Variants in CLVS2 observed in about 807,000 individuals in gnomAD.
The protein encoded by CLVS2 is clavesin 2, also known as clavesin-2.
Under a neutral mutation model 29.0 loss-of-function variants are expected in CLVS2, and 19 were observed. The ratio of observed to expected loss-of-function variants is 0.66; its 90% CI spans 0.46 to 0.96. CLVS2 has a LOEUF of 0.96. CLVS2 is among the 40% of genes least tolerant of loss of function. CLVS2 has a pLI of 0.00. For synonymous variants in CLVS2, 161 were observed against 151.3 expected (o/e 1.06, Z -0.47); for missense variants, 294 against 404.1 (o/e 0.73, Z 2.34).
chr6:122,997,480 C>G lies in CLVS2; in HGVS notation c.-298C>G. ...AAGAGAAAGGACAAGAAGAGGAGTG[C>G]GGAGCCCTTCAGGGGTTCACATCTC... On this transcript the variant is annotated 5_prime_UTR_variant, in exon 2 of 6. Transcript: ENST00000275162. The G allele has an allele frequency of 4.9e-6, 2 of 410,106 alleles. No homozygotes were observed. The highest frequency in any genetic ancestry group is 4.7e-5 in the East Asian group (1 of 21,398). The allele number at this position is 410,106 out of a possible 1,614,324, so 25.4% of individuals were successfully genotyped here.
chr6:123,023,547 A>G (rs1027269889), intron 3 of CLVS2, among the ~76,000 whole-genome samples: 2 of 152,138 alleles, frequency 1.3e-5, no homozygotes. Context: ...ATATACAATA[A>G]TAGAGAATTG....
chr6:123,013,868 C>G (rs954657102), intron 3 of CLVS2, among the ~76,000 whole-genome samples: 1 of 151,298 alleles, frequency 6.6e-6, no homozygotes, highest in African/African-American at 2.4e-5. Context: ...TGTCCATGTG[C>G]TCTCATTGTT....
At chr6:123,028,444 G>A (rs1485018209) in intron 3 of CLVS2, among the ~76,000 whole-genome samples, 3 of 152,138 alleles carry the variant, frequency 2.0e-5, no homozygotes, top group African/African-American at 4.8e-5. Context: ...CGGATTGCTT[G>A]AGCCCAAAAG....
chr6:123,009,293 A>T (rs1049444024), intron 2 of CLVS2, among the ~76,000 whole-genome samples: 1 of 152,066 alleles, frequency 6.6e-6, no homozygotes, highest in African/African-American at 2.4e-5. Flanking sequence ...CATATGGCTA[A>T]TGAGGTGCTG....
chr6:123,003,580 G>GA (rs961462777), intron 2 of CLVS2, among the ~76,000 whole-genome samples: 2 of 81,156 alleles, frequency 2.5e-5, no homozygotes, highest in African/African-American at 5.8e-5. Flanking sequence ...CAAATTAATT[G>GA]AAAAAAATAC....
intron 4 of CLVS2, among the ~76,000 whole-genome samples, chr6:123,049,809 G>GGT (rs1554203177): frequency 6.1e-5 from 9 of 146,592 alleles, no homozygotes; most frequent in Non-Finnish European, 1.1e-4. Flanking sequence ...TGGGATGGGG[G>GGT]GCGGGGAGGA....
Position 123,055,833 on chromosome 6 carries a change from A to G in CLVS2, c.703A>G (p.Ser235Gly), listed in dbSNP as rs769013044. 8.7e-6 allele frequency: 14 copies of G among 1,613,958 alleles called. No individual in the cohort carries two copies. Among genetic ancestry groups the G allele is most frequent in the South Asian group, 6.6e-5 (6 of 91,088 alleles). The change falls in exon 5 of 6, where the codon AGT becomes GGT. Residue 235 changes from serine (S) to glycine (G), a missense_variant. This residue lies in a region of CLVS2 where 212 missense variants were observed against 336.4 expected (regional missense o/e 0.63). Coordinates refer to ENST00000275162, the MANE Select transcript of CLVS2 (RefSeq NM_001010852.4). ...ATTTTTGCATGGTAACAACCTGAAC[A>G]GTCTACACCAACTAATTCATCCTGA... ...RIFLHGNNLN[S>G]LHQLIHPEIL...
At chr6:123,046,496 C>T (rs929211251) in intron 3 of CLVS2, among the ~76,000 whole-genome samples, 2 of 151,922 alleles carry the variant, frequency 1.3e-5, no homozygotes, top group Non-Finnish European at 2.9e-5. Flanking sequence ...TCTGTCTCCA[C>T]TAAAAATACA....
chr6:123,013,482 A>T (rs754552206), intron 3 of CLVS2, among the ~76,000 whole-genome samples: 8 of 151,914 alleles, frequency 5.3e-5, no homozygotes, highest in Admixed American at 1.3e-4. Flanking sequence ...ATTATAGGGG[A>T]TTGAACCAAA....
intron 3 of CLVS2, among the ~76,000 whole-genome samples, chr6:123,012,496 A>C (rs1774763732): frequency 6.6e-6 from 1 of 151,800 alleles, no homozygotes; most frequent in African/African-American, 2.4e-5. Flanking sequence ...TTTCCCAAGA[A>C]ATTAAAAAAA....
At chr6:123,062,968 C>T (rs1262247579) in intron 5 of CLVS2, among the ~76,000 whole-genome samples, 1 of 152,184 alleles carries the variant, frequency 6.6e-6, no homozygotes, top group African/African-American at 2.4e-5. Flanking sequence ...GAGACAGAAG[C>T]CCCACCTGCT....
chr6:123,030,420 A>G (rs1019334162), intron 3 of CLVS2, among the ~76,000 whole-genome samples: 5 of 152,170 alleles, frequency 3.3e-5, no homozygotes, highest in African/African-American at 1.2e-4. Flanking sequence ...GGAATGAGTC[A>G]TTTTGAAGTC....
rs1330328727 is a variant in CLVS2, at chr6:123,065,975, C to G, written c.*2214C>G. The G allele has an allele frequency of 6.6e-6, 1 of 151,696 alleles. No homozygotes were observed. The highest frequency in any genetic ancestry group is 1.5e-5 in the Non-Finnish European group (1 of 67,740). 9.4% of individuals were successfully genotyped at this position (151,696 alleles called of 1,614,324 possible). A position where few individuals can be genotyped will look rare whatever the true frequency, so the allele number is the denominator to read the frequency against. On this transcript the variant is annotated 3_prime_UTR_variant, in exon 6 of 6. Transcript: ENST00000275162. ...TCATTCACACTGTCTCCCAGACCCA[C>G]ATTTGGAAAGTTTGCATTGCATTAC...
chr6:123,029,648 TTTTG>T (rs549877690), intron 3 of CLVS2, among the ~76,000 whole-genome samples: 257 of 152,262 alleles, frequency 1.7e-3, no homozygotes, highest in Non-Finnish European at 2.8e-3. Context: ...AAAATAAGTT[TTTTG>T]TTTGTTTGTT....
Position 123,069,276 on chromosome 6 carries a change from T to A in CLVS2, c.*5515T>A, listed in dbSNP as rs1772905591. 6.6e-6 allele frequency: 1 copy of A among 151,718 alleles called. No individual in the cohort carries two copies. Among genetic ancestry groups the A allele is most frequent in the Admixed American group, 6.6e-5 (1 of 15,178 alleles). The allele number at this position is 151,718 out of a possible 1,614,324, so 9.4% of individuals were successfully genotyped here. On this transcript the variant is annotated 3_prime_UTR_variant, in exon 6 of 6. Transcript: ENST00000275162. ...ACTGGATTAGGCAAGAGATTAAATT[T>A]AGAAATTTGAATTACAGAAAAGCAT...
chr6:123,021,301 A>G (rs1358381803), intron 3 of CLVS2, among the ~76,000 whole-genome samples: 3 of 152,004 alleles, frequency 2.0e-5, no homozygotes, highest in Non-Finnish European at 1.5e-5. Context: ...AGTTCTTATT[A>G]CTTTGTAGGT....
intron 3 of CLVS2, among the ~76,000 whole-genome samples, chr6:123,029,006 G>A (rs1775044143): frequency 6.6e-6 from 1 of 152,086 alleles, no homozygotes; most frequent in African/African-American, 2.4e-5. Context: ...CTCTTGTAAG[G>A]AGAGACACAC....
intron 2 of CLVS2, among the ~76,000 whole-genome samples, chr6:123,003,986 AC>A (rs1260534861): frequency 1.3e-5 from 2 of 152,192 alleles, no homozygotes; most frequent in Non-Finnish European, 2.9e-5. Context: ...ACAGTTACCA[AC>A]CTAAATCTAG....
At chr6:123,026,300 A>AGG (rs1298772304) in intron 3 of CLVS2, among the ~76,000 whole-genome samples, 1 of 152,128 alleles carries the variant, frequency 6.6e-6, no homozygotes. Flanking sequence ...TATTTTCTGC[A>AGG]TTTTACATAT....
Sources: gnomAD v4.1 joint callset for allele counts (sites outside exome capture counted in the v4.1 genomes callset) on GRCh38, gnomAD v4.1.1 for gene constraint, gnomAD v4.1.1 regional missense constraint, MANE v1.5 for transcripts, NCBI Gene and HGNC (gene_info 2026-07-23, HGNC 2026-07-21) for gene names.